FAM186A: variants seen among roughly 807,000 people sequenced by gnomAD.
The protein encoded by FAM186A is family with sequence similarity 186 member A, also known as protein FAM186A.
A neutral mutation model predicts 216.8 loss-of-function variants in FAM186A; 163 were observed. That is an observed-to-expected ratio of 0.75 (90% confidence interval 0.66 to 0.86). FAM186A has a LOEUF of 0.86. Among genes scored for constraint, FAM186A ranks in the 40% least tolerant of loss-of-function variants. The probability of loss-of-function intolerance (pLI) is 0.00; values close to 1 mark genes in which losing one functional copy is unlikely to be tolerated. For synonymous variants in FAM186A, 805 were observed against 1,025.3 expected (o/e 0.79, Z 4.10); for missense variants, 2,184 against 2,746.2 (o/e 0.80, Z 4.58).
intron 1 of FAM186A, among the ~76,000 whole-genome samples, chr12:50,386,246 T>C (rs1273206537): frequency 6.9e-6 from 1 of 145,734 alleles, no homozygotes; most frequent in Non-Finnish European, 1.5e-5. Context: ...CTGGCCAACA[T>C]GGCGAAACCC....
Position 50,396,595 on chromosome 12 carries a change from G to T in FAM186A, c.-111C>A. The T allele has an allele frequency of 9.4e-7, 1 of 1,065,106 alleles. No homozygotes were observed. Among genetic ancestry groups the T allele is most frequent in the Non-Finnish European group, 1.3e-6 (1 of 754,680 alleles). 66.0% of individuals were successfully genotyped at this position (1,065,106 alleles called of 1,614,324 possible). On this transcript the variant is annotated 5_prime_UTR_variant, in exon 1 of 8. Coordinates refer to ENST00000327337, the MANE Select transcript of FAM186A (RefSeq NM_001145475.3). ...GGAGAGGTCTTTCCTGATCCTAGAAGTTGTGGCATACTCTGCTACTAATTG... is the reference window on the plus strand; with the variant it reads ...GGAGAGGTCTTTCCTGATCCTAGAATTTGTGGCATACTCTGCTACTAATTG...
intron 1 of FAM186A, among the ~76,000 whole-genome samples, chr12:50,371,219 G>A (rs1157992056): frequency 6.6e-6 from 1 of 151,926 alleles, no homozygotes; most frequent in African/African-American, 2.4e-5. Flanking sequence ...CAGGGTTCAA[G>A]TGATTCTCCT....
Position 50,350,441 on chromosome 12 carries a change from G to A in FAM186A, c.6391C>T (p.Gln2131Ter). ...QAIKTCGLPS[Q>*]LHTMARTLII... ...AGAGTCCTAGCCATTGTGTGTAGCT[G>A]TGAAGGGAGTCCACAAGTTTTTATA... Residue 2131 changes from glutamine (Q) to a stop codon, truncating the protein, a stop_gained, in exon 4 of 8, where the codon CAG becomes TAG. Coordinates refer to ENST00000327337, the MANE Select transcript of FAM186A (RefSeq NM_001145475.3). LOFTEE classifies it high-confidence loss of function. 1 of 1,551,584 alleles carries A rather than the reference G, an allele frequency of 6.4e-7. No homozygotes were observed. The highest frequency in any genetic ancestry group is 8.7e-7 in the Non-Finnish European group (1 of 1,146,974).
chr12:50,356,035 A>C lies in FAM186A; in HGVS notation c.797T>G (p.Val266Gly). 6.4e-7 allele frequency: 1 copy of C among 1,551,614 alleles called. No individual in the cohort carries two copies. The change falls in exon 4 of 8, where the codon GTA becomes GGA. Residue 266 changes from valine to glycine, a missense_variant. By Grantham distance (109) the Val-to-Gly change is moderately radical (BLOSUM62 -3). Around this residue, in one of 7 missense-constraint regions of FAM186A, gnomAD observed 1,132 missense variants for 1,263.4 expected, o/e 0.90. Coordinates refer to ENST00000327337, the MANE Select transcript of FAM186A (RefSeq NM_001145475.3). ...NAIKYISSTI[V>G]NLSTALSMLN... ...CATACTCAAAGCTGTAGAAAGGTTT[A>C]CTATTGTTGATGATATATATTTAAT...
intron 1 of FAM186A, among the ~76,000 whole-genome samples, chr12:50,372,012 A>C (rs558149713): frequency 3.0e-4 from 45 of 152,090 alleles, no homozygotes; most frequent in African/African-American, 1.0e-3. Context: ...GGGTTTCACC[A>C]TGTTGGTCAG....
rs1465736766 is a variant in FAM186A, at chr12:50,352,246, A to G, written c.4586T>C (p.Ile1529Thr). 6.6e-7 allele frequency: 1 copy of G among 1,507,636 alleles called. No homozygotes were observed. The highest frequency in any genetic ancestry group is 8.8e-7 in the Non-Finnish European group (1 of 1,131,204). The allele number at this position is 1,507,636 out of a possible 1,614,324, so 93.4% of individuals were successfully genotyped here. The change falls in exon 4 of 8, where the codon ATC becomes ACC. Residue 1529 changes from isoleucine (I) to threonine (T), a missense_variant. Around this residue, in one of 7 missense-constraint regions of FAM186A, gnomAD observed 19 missense variants for 22.4 expected, o/e 0.85. Coordinates refer to ENST00000327337, the MANE Select transcript of FAM186A (RefSeq NM_001145475.3). ...LTPQQAQALG[I>T]PLIPPQAQEL... ...CTGAGCCTGCGGAGGGATCAGAGGGATCCCCAGGGCCTGGGCCTGCTGAGG... is the reference window on the plus strand; with the variant it reads ...CTGAGCCTGCGGAGGGATCAGAGGGGTCCCCAGGGCCTGGGCCTGCTGAGG...
At chr12:50,369,773 G>A (rs2136100500) in intron 1 of FAM186A, among the ~76,000 whole-genome samples, 1 of 152,168 alleles carries the variant, frequency 6.6e-6, no homozygotes, top group South Asian at 2.1e-4. Flanking sequence ...CAGATCAGTT[G>A]AAGTCAGGAG....
chr12:50,342,006 C>T (rs1023655397), intron 4 of FAM186A, among the ~76,000 whole-genome samples: 4 of 152,162 alleles, frequency 2.6e-5, no homozygotes, highest in Middle Eastern at 3.4e-3. Context: ...ATGATGCAAG[C>T]TTAAGATTAT....
intron 4 of FAM186A, among the ~76,000 whole-genome samples, chr12:50,348,650 C>T (rs541524224): frequency 6.6e-6 from 1 of 152,058 alleles, no homozygotes; most frequent in East Asian, 1.9e-4. Flanking sequence ...AGCTCTGCCT[C>T]CTGGGTTCAA....
At chr12:50,391,047 G>A (rs190232993) in intron 1 of FAM186A, among the ~76,000 whole-genome samples, 12 of 151,904 alleles carry the variant, frequency 7.9e-5, no homozygotes, top group African/African-American at 2.9e-4. Flanking sequence ...GGAGTGTAGT[G>A]GTGCGATTGT....
Position 50,363,175 on chromosome 12 carries a change from CA to C in FAM186A, c.381del (p.Ala128ProfsTer17). 1 of 1,550,830 alleles carries C rather than the reference CA, an allele frequency of 6.4e-7. No individual in the cohort carries two copies. Among genetic ancestry groups the C allele is most frequent in the Non-Finnish European group, 8.7e-7 (1 of 1,146,722 alleles). On this transcript the variant is annotated frameshift_variant, in exon 2 of 8. Coordinates refer to ENST00000327337, the MANE Select transcript of FAM186A (RefSeq NM_001145475.3). LOFTEE classifies it high-confidence loss of function. ...TCTTCCAACCAGGCCAGAATGTTGG[CA>C]AGAGTCTTTTCTCTTATTTCAATAG... ...AKTIEIREKTLANILAWLEEW... is the reference protein window; with the variant it reads ...AKTIEIREKTXANILAWLEEW...
intron 3 of FAM186A, among the ~76,000 whole-genome samples, chr12:50,359,429 T>C (rs561192495): frequency 2.0e-5 from 3 of 152,142 alleles, no homozygotes; most frequent in Admixed American, 6.6e-5. Context: ...ACAAGTGTTG[T>C]TGAGGAAATG....
intron 2 of FAM186A, 36 bp from the exon 3 acceptor site, chr12:50,360,962 G>T: frequency 6.8e-7 from 1 of 1,466,134 alleles, no homozygotes; most frequent in Non-Finnish European, 9.2e-7. Flanking sequence ...TTTTTGTGCA[G>T]AAAAATAAAT....
In FAM186A at chr12:50,367,916, C is replaced by T. The variant is rs145190141; in HGVS notation, c.193-4552G>A. ...ATCCCAGCACTTTGGAAGGCCGAGGCGGGTGGATCACCTGAGGTTGGGAGT... is the reference window on the plus strand; with the variant it reads ...ATCCCAGCACTTTGGAAGGCCGAGGTGGGTGGATCACCTGAGGTTGGGAGT... On this transcript the variant is annotated intron_variant, in intron 1 of 7. Coordinates refer to ENST00000327337, the MANE Select transcript of FAM186A (RefSeq NM_001145475.3). Among the ~76,000 whole-genome samples, 1,459 of 152,208 alleles carry T rather than the reference C, an allele frequency of 9.6e-3. 21 individuals are homozygous for T. Among genetic ancestry groups the T allele is most frequent in the African/African-American group, 0.033 (1,366 of 41,546 alleles).
At chr12:50,350,285 A>G in intron 4 of FAM186A, 44 bp downstream of exon 4, 1 of 1,442,852 alleles carries the variant, frequency 6.9e-7, no homozygotes, top group South Asian at 1.4e-5. Flanking sequence ...AATATTTGCA[A>G]TCAGAACTAA....
Position 50,354,343 on chromosome 12 carries a change from C to A in FAM186A, c.2489G>T (p.Gly830Val). The part of the protein sequence containing the change: ...KQRQEQYLQE[G>V]QEQMSGMSLK... ...ACTCATGCCAGACATTTGTTCTTGA[C>A]CCTCTTGCAAATATTGCTCCTGCCT... Residue 830 changes from glycine to valine, a missense_variant, in exon 4 of 8, where the codon GGT becomes GTT. Physicochemically the swap from Gly to Val is moderately radical, Grantham distance 109. This residue lies in a region of FAM186A where 1,132 missense variants were observed against 1,263.4 expected (regional missense o/e 0.90). Coordinates refer to ENST00000327337, the MANE Select transcript of FAM186A (RefSeq NM_001145475.3). 1 of 1,551,680 alleles carries A rather than the reference C, an allele frequency of 6.4e-7. No homozygotes were observed. The highest frequency in any genetic ancestry group is 1.2e-5 in the South Asian group (1 of 84,066).
chr12:50,353,449 G>T lies in FAM186A; in HGVS notation c.3383C>A (p.Ala1128Glu), dbSNP rs1406424782. 2.0e-6 allele frequency: 3 copies of T among 1,527,686 alleles called. No individual in the cohort carries two copies. The highest frequency in any genetic ancestry group is 1.2e-5 in the South Asian group (1 of 80,382). The allele number at this position is 1,527,686 out of a possible 1,614,324, so 94.6% of individuals were successfully genotyped here. A position where few individuals can be genotyped will look rare whatever the true frequency, so the allele number is the denominator to read the frequency against. Residue 1128 changes from alanine to glutamate, a missense_variant, in exon 4 of 8, where the codon GCG becomes GAG. Ala to Glu is a moderately radical substitution (Grantham distance 107). This residue lies in a region of FAM186A where 267 missense variants were observed against 446.2 expected (regional missense o/e 0.60). Coordinates refer to ENST00000327337, the MANE Select transcript of FAM186A (RefSeq NM_001145475.3). The part of the protein sequence containing the change: ...ALEILFTPQQ[A>E]QALGIPLTPQ... ...GGTGAGAGGGATCCCCAGGGCCTGC[G>T]CCTGCTGAGGGGTGAAAAGGATCTC...
intron 1 of FAM186A, among the ~76,000 whole-genome samples, chr12:50,393,210 C>T (rs555403974): frequency 6.6e-6 from 1 of 152,108 alleles, no homozygotes; most frequent in East Asian, 2.0e-4. Flanking sequence ...AGGTATGAGC[C>T]ACCGCTCCCG....
rs769027330 is a variant in FAM186A at position 50,354,412 on chromosome 12, G to A, written c.2420C>T (p.Thr807Ile). 6.4e-7 allele frequency: 1 copy of A among 1,551,424 alleles called. No homozygotes were observed. ...AEIESERDIP[T>I]VSTVQKDHKE... ...GTGGTCTTTCTGTACTGTTGAGACT[G>A]TTGGAATATCTCTTTCACTTTCTAT... Residue 807 changes from threonine (T) to isoleucine (I), a missense_variant, in exon 4 of 8, where the codon ACA becomes ATA. By Grantham distance (89) the Thr-to-Ile change is moderately conservative (BLOSUM62 -1). Transcript: ENST00000327337.
Sources: gnomAD v4.1 joint callset for allele counts (sites outside exome capture counted in the v4.1 genomes callset) on GRCh38, gnomAD v4.1.1 for gene constraint, gnomAD v4.1.1 regional missense constraint, MANE v1.5 for transcripts, NCBI Gene and HGNC (gene_info 2026-07-23, HGNC 2026-07-21) for gene names.